MUC4: variants seen among roughly 807,000 people sequenced by gnomAD.
The protein encoded by MUC4 is mucin 4, cell surface associated, also known as mucin-4.
In MUC4, 202 loss-of-function variants were observed where a neutral mutation model predicts 257.9. The ratio of observed to expected loss-of-function variants is 0.78; its 90% CI spans 0.70 to 0.88. The LOEUF is 0.88. MUC4 is among the 40% of genes least tolerant of loss of function. The pLI is 0.00. For synonymous variants in MUC4, 2,351 were observed against 2,757.1 expected, an observed-to-expected ratio of 0.85 and a Z score of 4.62; for missense variants, 5,976 against 6,513.7, an observed-to-expected ratio of 0.92 and a Z score of 2.84.
chr3:195,777,493 A>G (rs1384491899), intron 3 of MUC4, among the ~76,000 whole-genome samples: 1 of 97,610 alleles, frequency 1.0e-5, no homozygotes, highest in Non-Finnish European at 1.9e-5. Flanking sequence ...TACCTTCCAC[A>G]CCCATACCTT....
Position 195,757,315 on chromosome 3 carries a change from C to T in MUC4, c.15000G>A (p.Leu5000=). ...TDLELFENGT[L]LWTPKSLEPF... Reference sequence around the variant, plus strand: ...GCTCCAGCGACTTGGGTGTCCACAGCAACGTCCCATTCTCTGCCCCGGGGA... The same window carrying T: ...GCTCCAGCGACTTGGGTGTCCACAGTAACGTCCCATTCTCTGCCCCGGGGA... The change falls in exon 18 of 25, where the codon TTG becomes TTA. Residue 5000 remains leucine, a synonymous_variant. Coordinates refer to ENST00000463781, the MANE Select transcript of MUC4 (RefSeq NM_018406.7). This position sits in a 1 kb window ranked among gnomAD's most constrained non-coding sequence, Gnocchi z 4.8. 6.2e-7 allele frequency: 1 copy of T among 1,601,990 alleles called. No homozygotes were observed. Among genetic ancestry groups the T allele is most frequent in the Non-Finnish European group, 8.5e-7 (1 of 1,169,978 alleles).
chr3:195,806,302 T>C (rs1735977535), intron 1 of MUC4, among the ~76,000 whole-genome samples: 1 of 152,168 alleles, frequency 6.6e-6, no homozygotes. Flanking sequence ...GTCCTCAGCC[T>C]CAGGCCTCAG....
intron 7 of MUC4, among the ~76,000 whole-genome samples, chr3:195,768,794 C>A (rs1722168846): frequency 6.6e-6 from 1 of 152,188 alleles, no homozygotes; most frequent in African/African-American, 2.4e-5. Context: ...GGAATGATTA[C>A]AACTCACGGG....
At chr3:195,767,747 GCCACCACCACCATCACCA>G (rs1560264512) in intron 7 of MUC4, among the ~76,000 whole-genome samples, 8 of 4,600 alleles carry the variant, frequency 1.7e-3, no homozygotes, top group South Asian at 0.015. Flanking sequence ...CATCACCATC[GCCACCACCACCATCACCA>G]CCACCACCAC....
chr3:195,750,798 C>T (rs1716237915), intron 23 of MUC4, 91 bp downstream of exon 23: 3 of 1,225,874 alleles, frequency 2.4e-6, no homozygotes, highest in African/African-American at 1.5e-5. Flanking sequence ...AACAGAAAAA[C>T]TCAATTAGCT....
intron 2 of MUC4, 117 bp from the exon 3 acceptor site, chr3:195,778,572 C>T (rs2148903786): frequency 7.1e-7 from 1 of 1,402,342 alleles, no homozygotes. Context: ...TGTCTCTCCC[C>T]TGCTCATATC....
intron 8 of MUC4, 75 bp from the exon 9 acceptor site, chr3:195,765,524 C>T: frequency 7.0e-7 from 1 of 1,436,924 alleles, no homozygotes; most frequent in Non-Finnish European, 9.4e-7. Context: ...TTAGGGTCAA[C>T]CAAAACTCAC....
intron 7 of MUC4, among the ~76,000 whole-genome samples, chr3:195,767,758 CAT>C: frequency 1.1e-5 from 1 of 93,804 alleles, no homozygotes; most frequent in African/African-American, 4.4e-5. Context: ...CCACCACCAC[CAT>C]CACCACCACC....
chr3:195,769,206 C>T, intron 6 of MUC4, 54 bp from the exon 7 acceptor site: 2 of 1,602,154 alleles, frequency 1.2e-6, no homozygotes, highest in Non-Finnish European at 1.7e-6. Context: ...CCGGGGTCTC[C>T]TCTCTTATGT....
chr3:195,753,209 CACAGGAAAG>C lies in MUC4; in HGVS notation c.15341_15349del (p.Ser5114_Leu5116del). 1 of 1,613,906 alleles carries C rather than the reference CACAGGAAAG, an allele frequency of 6.2e-7. No homozygotes were observed. The highest frequency in any genetic ancestry group is 8.5e-7 in the Non-Finnish European group (1 of 1,179,902). ...ATTCACAGGGCAGGACTGGTTCTGA[CACAGGAAAG>C]AGCTCCCCAGAGCTGCAGAGTGAGT... On this transcript the variant is annotated inframe_deletion, in exon 20 of 25. Coordinates refer to ENST00000463781, the MANE Select transcript of MUC4 (RefSeq NM_018406.7).
chr3:195,807,408 C>A (rs1484337956), intron 1 of MUC4, among the ~76,000 whole-genome samples: 1 of 152,096 alleles, frequency 6.6e-6, no homozygotes, highest in East Asian at 1.9e-4. Flanking sequence ...GCAGAGGCTG[C>A]ACTGAGCTGA....
intron 11 of MUC4, among the ~76,000 whole-genome samples, 167 bp from the exon 12 acceptor site, chr3:195,763,808 C>T (rs943578905): frequency 1.3e-5 from 2 of 152,190 alleles, no homozygotes; most frequent in Non-Finnish European, 2.9e-5. Flanking sequence ...GAGATGTTCA[C>T]AGAGCACAGA....
chr3:195,777,800 C>A (rs1725251434), intron 3 of MUC4, among the ~76,000 whole-genome samples: 3 of 86,042 alleles, frequency 3.5e-5, no homozygotes, highest in Admixed American at 1.0e-4. Flanking sequence ...CACACCCATA[C>A]CTTCCACACC....
chr3:195,757,782 C>T lies in MUC4; in HGVS notation c.14987-454G>A, dbSNP rs531300049. The stretch of plus-strand genomic sequence containing the variant: ...CTTCCTGGACCTTTCCCAGACACCC[C>T]CTTCAGACACCAGACTGTAGTGAAA... On this transcript the variant is annotated intron_variant, in intron 17 of 24. Coordinates refer to ENST00000463781, the MANE Select transcript of MUC4 (RefSeq NM_018406.7). The surrounding 1 kb of genome is among the most constrained non-coding windows in gnomAD (Gnocchi z 4.8). Among the ~76,000 whole-genome samples the T allele has an allele frequency of 2.0e-5, 3 of 152,138 alleles. No individual in the cohort carries two copies. Among genetic ancestry groups the T allele is most frequent in the African/African-American group, 2.4e-5 (1 of 41,422 alleles).
intron 18 of MUC4, among the ~76,000 whole-genome samples, chr3:195,754,861 A>C (rs1049195131): frequency 2.1e-5 from 3 of 144,962 alleles, no homozygotes; most frequent in Non-Finnish European, 3.0e-5. Context: ...ATCCATGTAG[A>C]TATGTATCAA....
chr3:195,779,509 G>C lies in MUC4; in HGVS notation c.12071C>G (p.Ser4024Ter). Reference sequence around the variant, plus strand: ...AGGGGTGGCGTGACCTGTGGATGCTGAGGAAGGGCTGGTGACAGGAAGAGG... The same window carrying C: ...AGGGGTGGCGTGACCTGTGGATGCTCAGGAAGGGCTGGTGACAGGAAGAGG... ...ATPLPVTSPSSASTGHATPVP... is the reference protein window; with the variant it reads ...ATPLPVTSPS Residue 4024 changes from serine to a stop codon, truncating the protein, a stop_gained, in exon 2 of 25, where the codon TCA becomes TGA. Transcript: ENST00000463781. LOFTEE classifies it high-confidence loss of function. 1 of 1,269,034 alleles carries C rather than the reference G, an allele frequency of 7.9e-7. No homozygotes were observed. Among genetic ancestry groups the C allele is most frequent in the Non-Finnish European group, 1.1e-6 (1 of 932,668 alleles). 78.6% of individuals were successfully genotyped at this position (1,269,034 alleles called of 1,614,324 possible).
At chr3:195,795,557 G>T (rs151213020) in intron 1 of MUC4, among the ~76,000 whole-genome samples, 2 of 152,268 alleles carry the variant, frequency 1.3e-5, no homozygotes, top group African/African-American at 4.8e-5. Context: ...TAACAACTAA[G>T]ATGGTGAGTC....
At position 195,788,533 on chromosome 3, in the gene MUC4, G is replaced by A. The variant is rs767457414; in HGVS notation, c.3047C>T (p.Ser1016Leu). ...ATPLPVTSPS[S>L]VSTGHTTPLP... ...AGGGGTGGTGTGACCTGTGGATACT[G>A]AGGAAGGGCTGGTGACAGGAAGAGG... The change falls in exon 2 of 25, where the codon TCA becomes TTA. Residue 1016 changes from serine (S) to leucine (L), a missense_variant. Coordinates refer to ENST00000463781, the MANE Select transcript of MUC4 (RefSeq NM_018406.7). 7.2e-5 allele frequency: 106 copies of A among 1,470,542 alleles called. No homozygotes were observed. The highest frequency in any genetic ancestry group is 9.3e-5 in the Non-Finnish European group (102 of 1,094,706). 91.1% of individuals were successfully genotyped at this position (1,470,542 alleles called of 1,614,324 possible).
intron 1 of MUC4, among the ~76,000 whole-genome samples, chr3:195,792,910 C>A (rs924504904): frequency 1.3e-5 from 2 of 152,146 alleles, no homozygotes; most frequent in Non-Finnish European, 2.9e-5. Flanking sequence ...CATGTTTTCA[C>A]TCATAAGTTG....
Sources: gnomAD v4.1 joint callset for allele counts (sites outside exome capture counted in the v4.1 genomes callset) on GRCh38, gnomAD v4.1.1 for gene constraint, Gnocchi (gnomAD v3.1) non-coding constraint, MANE v1.5 for transcripts, NCBI Gene and HGNC (gene_info 2026-07-23, HGNC 2026-07-21) for gene names.